LGMN: variants seen among roughly 807,000 people sequenced by gnomAD.
LGMN encodes asparaginyl endopeptidase.
Under a neutral mutation model 56.8 loss-of-function variants are expected in LGMN, and 36 were observed. The ratio of observed to expected loss-of-function variants is 0.63; its 90% confidence interval spans 0.49 to 0.84. The LOEUF is 0.84. Ranked by LOEUF, LGMN falls within the 40% of genes least tolerant of loss-of-function variation. LGMN has a pLI of 0.00. For synonymous variants in LGMN, 199 were observed against 210.1 expected, an observed-to-expected ratio of 0.95 and a Z score of 0.46; for missense variants, 446 against 556.1, an observed-to-expected ratio of 0.80 and a Z score of 1.99.
At chr14:92,709,980 T>C in intron 10 of LGMN, 108 bp from the exon 11 acceptor site, 3 of 833,264 alleles carry the variant, frequency 3.6e-6, no homozygotes, top group Non-Finnish European at 5.5e-6. Flanking sequence ...GGAGCAGAGG[T>C]GCCCAACATA....
chr14:92,725,436 G>A (rs1009242248), intron 2 of LGMN, among the ~76,000 whole-genome samples: 3 of 151,938 alleles, frequency 2.0e-5, no homozygotes, highest in African/African-American at 4.8e-5. Flanking sequence ...ATGGTCCCAC[G>A]GTTCCAGCTA....
At chr14:92,735,803 GT>G (rs59840828) in intron 1 of LGMN, among the ~76,000 whole-genome samples, 4,402 of 148,524 alleles carry the variant, frequency 0.03, 173 homozygotes, top group African/African-American at 0.085. Context: ...TTTTTTTCAG[GT>G]TTTTTTTTTT....
chr14:92,735,804 T>G (rs143315092), intron 1 of LGMN, among the ~76,000 whole-genome samples: 12 of 139,154 alleles, frequency 8.6e-5, no homozygotes, highest in African/African-American at 2.9e-4. Flanking sequence ...TTTTTTCAGG[T>G]TTTTTTTTTT....
chr14:92,724,347 C>T (rs941922154), intron 2 of LGMN, among the ~76,000 whole-genome samples: 1 of 152,172 alleles, frequency 6.6e-6, no homozygotes, highest in Non-Finnish European at 1.5e-5. Flanking sequence ...GCCTTATGCC[C>T]CATCTTCCAC....
At chr14:92,740,850 G>A (rs1264098820) in intron 1 of LGMN, among the ~76,000 whole-genome samples, 1 of 152,130 alleles carries the variant, frequency 6.6e-6, no homozygotes, top group Admixed American at 6.6e-5. Flanking sequence ...CTTCATCCCT[G>A]CTCAGGTTAC....
rs116364854 is a variant in LGMN, at chr14:92,731,812, T to G, written c.138+837A>C. Among the ~76,000 whole-genome samples the G allele has an allele frequency of 8.0e-3, 1,216 of 152,286 alleles. 15 individuals carry two copies. The highest frequency in any genetic ancestry group is 0.028 in the African/African-American group (1,176 of 41,542). Reference sequence around the variant, plus strand: ...TTTTCACCTCTCTTAAGGACATACTTAGGAGCGGAATTGCTGGGTCATATG... The same window carrying G: ...TTTTCACCTCTCTTAAGGACATACTGAGGAGCGGAATTGCTGGGTCATATG... On this transcript the variant is annotated intron_variant, in intron 2 of 13. Transcript: ENST00000334869.
At chr14:92,717,688 A>G (rs1890141413) in intron 3 of LGMN, among the ~76,000 whole-genome samples, 1 of 152,232 alleles carries the variant, frequency 6.6e-6, no homozygotes, top group Non-Finnish European at 1.5e-5. Context: ...CTGAGCCCGA[A>G]AAGCCTCGGG....
chr14:92,709,793 G>A lies in LGMN; in HGVS notation c.899C>T (p.Thr300Ile). The change falls in exon 11 of 14, where the codon ACA becomes ATA. Residue 300 changes from threonine (T) to isoleucine (I), a missense_variant. Transcript: ENST00000334869. ...AGGGCTGGGGGTGAGGTCAAGGTGT[G>A]TGACTGGAGGTAGGGGGACGGGAGA... is the stretch of plus-strand genomic sequence containing the variant. The part of the protein sequence containing the change: ...ASSPVPLPPV[T>I]HLDLTPSPDV... 2 of 1,614,090 alleles carry A rather than the reference G, an allele frequency of 1.2e-6. No individual in the cohort carries two copies. Among genetic ancestry groups the A allele is most frequent in the Non-Finnish European group, 1.7e-6 (2 of 1,179,956 alleles).
intron 1 of LGMN, among the ~76,000 whole-genome samples, chr14:92,747,633 G>A (rs115138464): frequency 0.01 from 1,535 of 152,260 alleles, 27 homozygotes; most frequent in African/African-American, 0.035. Flanking sequence ...TTTAACACTG[G>A]AACTGTTCAC....
intron 2 of LGMN, among the ~76,000 whole-genome samples, chr14:92,730,082 A>T (rs1339295851): frequency 6.6e-6 from 1 of 152,252 alleles, no homozygotes; most frequent in Non-Finnish European, 1.5e-5. Flanking sequence ...GTTGTATAAA[A>T]ATCACGGTGG....
At chr14:92,707,120 G>C (rs764157796) in intron 11 of LGMN, among the ~76,000 whole-genome samples, 1 of 152,120 alleles carries the variant, frequency 6.6e-6, no homozygotes, top group Non-Finnish European at 1.5e-5. Flanking sequence ...GCCAGGCACA[G>C]TGGCTCAGGC....
Position 92,711,927 on chromosome 14 carries a change from T to C in LGMN, c.639A>G (p.Arg213=). ...CATAGTAACAGGCGTAGGACGACTC[T>C]CTGGGGTTGGCAGCAGTAGTTGCAT... The part of the protein sequence containing the change: ...NVYATTAANP[R]ESSYACYYDE... The change falls in exon 9 of 14, where the codon AGA becomes AGG. Residue 213 remains arginine, a synonymous_variant. Transcript: ENST00000334869. 6.2e-7 allele frequency: 1 copy of C among 1,614,022 alleles called. No individual in the cohort carries two copies. The highest frequency in any genetic ancestry group is 8.5e-7 in the Non-Finnish European group (1 of 1,179,896).
At chr14:92,706,426 G>A in intron 12 of LGMN, 57 bp downstream of exon 12, 1 of 1,377,252 alleles carries the variant, frequency 7.3e-7, no homozygotes. Flanking sequence ...TGACTGCCAG[G>A]GGACAATATG....
intron 2 of LGMN, among the ~76,000 whole-genome samples, chr14:92,721,803 C>T (rs1041835981): frequency 3.3e-5 from 5 of 152,158 alleles, no homozygotes; most frequent in Non-Finnish European, 5.9e-5. Flanking sequence ...TGAAAATGAA[C>T]GAACTACAAC....
At chr14:92,746,256 T>C (rs1891816179) in intron 1 of LGMN, among the ~76,000 whole-genome samples, 1 of 152,246 alleles carries the variant, frequency 6.6e-6, no homozygotes, top group Non-Finnish European at 1.5e-5. Context: ...TTGAGTCTTA[T>C]CATATGATTA....
At chr14:92,731,662 A>G (rs1891052818) in intron 2 of LGMN, among the ~76,000 whole-genome samples, 1 of 152,232 alleles carries the variant, frequency 6.6e-6, no homozygotes, top group African/African-American at 2.4e-5. Context: ...ATCTTCTTAC[A>G]TGAATAAATC....
intron 12 of LGMN, among the ~76,000 whole-genome samples, chr14:92,705,527 C>A (rs1042035421): frequency 1.5e-4 from 22 of 148,434 alleles, no homozygotes; most frequent in Non-Finnish European, 2.7e-4. Flanking sequence ...ACAAAAAAAA[C>A]AAGACTGGAG....
At chr14:92,721,688 A>G (rs1260478623) in intron 2 of LGMN, among the ~76,000 whole-genome samples, 1 of 152,206 alleles carries the variant, frequency 6.6e-6, no homozygotes, top group African/African-American at 2.4e-5. Flanking sequence ...AGATAACCAG[A>G]AAGTGTTCAC....
At chr14:92,724,035 A>G (rs954640286) in intron 2 of LGMN, among the ~76,000 whole-genome samples, 2 of 152,228 alleles carry the variant, frequency 1.3e-5, no homozygotes, top group Non-Finnish European at 2.9e-5. Flanking sequence ...CGGCCTGCCC[A>G]AAGGATCATA....
Sources: gnomAD v4.1 joint callset for allele counts (sites outside exome capture counted in the v4.1 genomes callset) on GRCh38, gnomAD v4.1.1 for gene constraint, MANE v1.5 for transcripts, NCBI Gene and HGNC (gene_info 2026-07-23, HGNC 2026-07-21) for gene names.